The following CNGB1 variants were observed in gnomAD, a reference collection of about 807,000 sequenced individuals.
CNGB1 encodes cyclic nucleotide gated channel subunit beta 1.
Under a neutral mutation model 151.7 loss-of-function variants are expected in CNGB1, and 126 were observed. That is an observed-to-expected ratio of 0.83 (90% CI 0.72 to 0.96). The LOEUF (loss-of-function observed/expected upper bound fraction) is 0.96, where lower values mean the gene tolerates loss of function less well. Among genes scored for constraint, CNGB1 ranks in the 40% least tolerant of loss-of-function variants. CNGB1 has a pLI of 0.00. For missense variants in CNGB1, 1,698 were observed against 1,627.0 expected, an observed-to-expected ratio of 1.04 and a Z score of -0.75; for synonymous variants, 623 against 635.1, an observed-to-expected ratio of 0.98 and a Z score of 0.29.
intron 7 of CNGB1, among the ~76,000 whole-genome samples, chr16:57,962,239 C>T (rs941239269): frequency 3.3e-5 from 5 of 152,200 alleles, no homozygotes; most frequent in Non-Finnish European, 7.3e-5. Context: ...GTGATCCAAG[C>T]CCTGCTTCCA....
At chr16:57,955,929 C>T (rs563221875) in intron 12 of CNGB1, among the ~76,000 whole-genome samples, 2 of 152,342 alleles carry the variant, frequency 1.3e-5, no homozygotes, top group Non-Finnish European at 2.9e-5. Flanking sequence ...GTCTGTTGTT[C>T]TAAGCCGCCC....
intron 14 of CNGB1, among the ~76,000 whole-genome samples, chr16:57,948,435 G>A (rs1015367669): frequency 4.0e-5 from 6 of 151,734 alleles, no homozygotes; most frequent in African/African-American, 9.7e-5. Flanking sequence ...GATTACAGGC[G>A]TGAGCCACCA....
intron 31 of CNGB1, 142 bp from the exon 32 acceptor site, chr16:57,888,216 G>A: frequency 1.2e-6 from 1 of 838,266 alleles, no homozygotes; most frequent in Non-Finnish European, 2.0e-6. Flanking sequence ...TCTGGGCCAA[G>A]CGTCGTGTTA....
intron 14 of CNGB1, among the ~76,000 whole-genome samples, chr16:57,948,187 C>A (rs1266009697): frequency 1.3e-5 from 2 of 152,204 alleles, no homozygotes; most frequent in Non-Finnish European, 2.9e-5. Flanking sequence ...CAATCTTTCT[C>A]CAACACAGCT....
intron 32 of CNGB1, among the ~76,000 whole-genome samples, chr16:57,886,144 T>A (rs1959923946): frequency 6.6e-6 from 1 of 152,196 alleles, no homozygotes; most frequent in South Asian, 2.1e-4. Flanking sequence ...GTCATGGAGC[T>A]AGTGGGTGAC....
At chr16:57,888,415 G>A (rs1275557090) in intron 31 of CNGB1, among the ~76,000 whole-genome samples, 3 of 151,472 alleles carry the variant, frequency 2.0e-5, no homozygotes, top group Non-Finnish European at 4.4e-5. Context: ...TCTCTCTTCT[G>A]TCTTCTCTCC....
intron 14 of CNGB1, among the ~76,000 whole-genome samples, chr16:57,945,529 G>T (rs550693760): frequency 3.2e-4 from 48 of 152,350 alleles, no homozygotes; most frequent in African/African-American, 1.1e-3. Flanking sequence ...TGCCTGGCCT[G>T]TGCAGCCTGA....
At position 57,917,471 on chromosome 16, in the gene CNGB1, T is replaced by C. The variant is rs775622559; in HGVS notation, c.1963A>G (p.Met655Val). ...ACGAAGAACAGCCATAGGACATACA[T>C]CAGGTCTGTGGGGAAGGTTGACGGG... ...PQSIDPLTNL[M>V]YVLWLFFVVM... Residue 655 changes from methionine to valine, a missense_variant, in exon 21 of 33, where the codon ATG becomes GTG. Physicochemically the swap from Met to Val is conservative, Grantham distance 21. Coordinates refer to ENST00000251102, the MANE Select transcript of CNGB1 (RefSeq NM_001297.5). The C allele has an allele frequency of 2.1e-5, 34 of 1,613,870 alleles. No individual in the cohort carries two copies. The highest frequency in any genetic ancestry group is 2.8e-5 in the Non-Finnish European group (33 of 1,180,018).
At chr16:57,895,880 C>A (rs1436621279) in intron 31 of CNGB1, among the ~76,000 whole-genome samples, 2 of 152,012 alleles carry the variant, frequency 1.3e-5, no homozygotes, top group Non-Finnish European at 2.9e-5. Context: ...TGCCCACTGG[C>A]CAAACTGGAC....
At chr16:57,913,545 G>A (rs1960789367) in intron 23 of CNGB1, among the ~76,000 whole-genome samples, 1 of 152,112 alleles carries the variant, frequency 6.6e-6, no homozygotes, top group Non-Finnish European at 1.5e-5. Context: ...CAGTGGTACA[G>A]TCATAGATAA....
intron 22 of CNGB1, among the ~76,000 whole-genome samples, chr16:57,915,909 A>AAG (rs1555489651): frequency 2.6e-5 from 4 of 151,310 alleles, no homozygotes; most frequent in African/African-American, 7.3e-5. Context: ...AAAAAAAAAA[A>AAG]AAAAGAAAAG....
chr16:57,904,468 G>C (rs559271478), intron 26 of CNGB1, among the ~76,000 whole-genome samples: 1 of 152,074 alleles, frequency 6.6e-6, no homozygotes, highest in Non-Finnish European at 1.5e-5. Flanking sequence ...CTTCTCCCTC[G>C]GTCTCTGCAG....
intron 29 of CNGB1, among the ~76,000 whole-genome samples, chr16:57,899,533 G>T (rs1221106015): frequency 6.6e-6 from 1 of 152,146 alleles, no homozygotes; most frequent in East Asian, 1.9e-4. Context: ...CCAGCTACTT[G>T]GGAGGCTGAG....
chr16:57,905,137 C>G (rs1960511970), intron 25 of CNGB1, among the ~76,000 whole-genome samples: 1 of 152,142 alleles, frequency 6.6e-6, no homozygotes, highest in Non-Finnish European at 1.5e-5. Flanking sequence ...AACTGAGGCT[C>G]CAGGGGATTT....
chr16:57,954,981 T>G, intron 12 of CNGB1: 1 of 1,111,230 alleles, frequency 9.0e-7, no homozygotes, highest in Non-Finnish European at 1.1e-6. Context: ...ACTTCGGGGC[T>G]CAAGCAATCC....
chr16:57,941,915 G>A (rs557261322), intron 14 of CNGB1, among the ~76,000 whole-genome samples: 2 of 152,168 alleles, frequency 1.3e-5, no homozygotes, highest in East Asian at 3.9e-4. Flanking sequence ...ACAATGGCAT[G>A]ATCATGGCTC....
chr16:57,949,449 G>T lies in CNGB1; in HGVS notation c.1035-10C>A, dbSNP rs766285129. 1.2e-6 allele frequency: 2 copies of T among 1,613,570 alleles called. No individual in the cohort carries two copies. The highest frequency in any genetic ancestry group is 8.5e-7 in the Non-Finnish European group (1 of 1,180,026). ...AATCCGGGACAGCTCTCTGAGTTGGGGTTAGAGGCAGGAGGTGAGCCCACC... is the reference window on the plus strand; with the variant it reads ...AATCCGGGACAGCTCTCTGAGTTGGTGTTAGAGGCAGGAGGTGAGCCCACC... On this transcript the variant is annotated splice_polypyrimidine_tract_variant and intron_variant, in intron 13 of 32. Coordinates refer to ENST00000251102, the MANE Select transcript of CNGB1 (RefSeq NM_001297.5).
At chr16:57,936,583 A>G (rs563544292) in intron 16 of CNGB1, among the ~76,000 whole-genome samples, 1 of 152,320 alleles carries the variant, frequency 6.6e-6, no homozygotes, top group African/African-American at 2.4e-5. Context: ...ATTTGATATC[A>G]GGAGTTTGAG....
chr16:57,886,525 C>T (rs1333719793), intron 32 of CNGB1, among the ~76,000 whole-genome samples: 2 of 152,138 alleles, frequency 1.3e-5, no homozygotes, highest in African/African-American at 4.8e-5. Context: ...GTCTTGGTAC[C>T]CCAAATGGCT....
Sources: allele counts gnomAD v4.1 joint callset (sites outside exome capture counted in the v4.1 genomes callset), GRCh38; gene constraint gnomAD v4.1.1; transcripts MANE v1.5; gene names NCBI Gene and HGNC (gene_info 2026-07-23, HGNC 2026-07-21).